Variants in KDSR observed in about 807,000 individuals in gnomAD.
The protein encoded by KDSR is 3-ketodihydrosphingosine reductase.
Under a neutral mutation model 41.3 loss-of-function variants are expected in KDSR, and 23 were observed. The ratio of observed to expected loss-of-function variants is 0.56; its 90% CI spans 0.40 to 0.79. The LOEUF (loss-of-function observed/expected upper bound fraction) is 0.79. Among genes scored for constraint, KDSR ranks in the 30% least tolerant of loss-of-function variants. The probability of loss-of-function intolerance (pLI) is 0.00; values close to 1 mark genes in which losing one functional copy is unlikely to be tolerated. For synonymous variants in KDSR, 138 were observed against 151.7 expected, an observed-to-expected ratio of 0.91 and a Z score of 0.66; for missense variants, 351 against 416.8, an observed-to-expected ratio of 0.84 and a Z score of 1.37.
chr18:63,345,713 G>C (rs533746874), intron 6 of KDSR: 1 of 152,206 alleles, frequency 6.6e-6, no homozygotes, highest in Admixed American at 6.5e-5. Flanking sequence ...CGAGGGGAGG[G>C]GGTGGATCAC....
At chr18:63,361,258 C>T (rs1393267784) in intron 2 of KDSR, among the ~76,000 whole-genome samples, 1 of 135,354 alleles carries the variant, frequency 7.4e-6, no homozygotes, top group East Asian at 2.2e-4. Context: ...CTCAACACCA[C>T]AGGTTCTTCA....
intron 8 of KDSR, among the ~76,000 whole-genome samples, chr18:63,336,297 T>C (rs1914155797): frequency 6.6e-6 from 1 of 152,210 alleles, no homozygotes; most frequent in Non-Finnish European, 1.5e-5. Context: ...CCAAAAGTGC[T>C]GGGATTACAG....
At chr18:63,360,894 C>A (rs1487616009) in intron 2 of KDSR, among the ~76,000 whole-genome samples, 1 of 148,462 alleles carries the variant, frequency 6.7e-6, no homozygotes, top group African/African-American at 2.5e-5. Context: ...GTGGCTCACG[C>A]CTGTAAGCCC....
intron 9 of KDSR, among the ~76,000 whole-genome samples, chr18:63,334,012 T>A (rs1248796209): frequency 1.3e-5 from 2 of 151,120 alleles, no homozygotes; most frequent in Non-Finnish European, 2.9e-5. Context: ...ATTCATGCAT[T>A]TGTTCAGCTC....
At chr18:63,363,452 A>G (rs1320962008) in intron 1 of KDSR, among the ~76,000 whole-genome samples, 4 of 128,238 alleles carry the variant, frequency 3.1e-5, no homozygotes, top group Non-Finnish European at 6.3e-5. Context: ...ATTCCCACCT[A>G]TGAGTGAGAA....
intron 4 of KDSR, 45 bp from the exon 5 acceptor site, chr18:63,355,344 AACC>A: frequency 6.2e-7 from 1 of 1,606,378 alleles, no homozygotes; most frequent in Non-Finnish European, 8.5e-7. Flanking sequence ...AGAGAAGAAA[AACC>A]ACTCAGCAGC....
chr18:63,361,994 C>T (rs1158609716), intron 2 of KDSR, among the ~76,000 whole-genome samples: 1 of 152,168 alleles, frequency 6.6e-6, no homozygotes, highest in Non-Finnish European at 1.5e-5. Context: ...AATCCAAGAT[C>T]CCCATGGAAG....
At chr18:63,343,315 C>A (rs1211123058) in intron 7 of KDSR, among the ~76,000 whole-genome samples, 2 of 152,018 alleles carry the variant, frequency 1.3e-5, no homozygotes, top group Non-Finnish European at 2.9e-5. Context: ...CTGCCATGGC[C>A]TCCCAAAGTA....
Position 63,367,049 on chromosome 18 carries a change from T to C in KDSR, c.70A>G (p.Ser24Gly), listed in dbSNP as rs763994104. The C allele has an allele frequency of 7.5e-7, 1 of 1,327,212 alleles. No individual in the cohort carries two copies. Among genetic ancestry groups the C allele is most frequent in the Non-Finnish European group, 9.7e-7 (1 of 1,031,224 alleles). 82.2% of individuals were successfully genotyped at this position (1,327,212 alleles called of 1,614,324 possible). ...LLLYMVSPLI[S>G]PKPLALPGAH... Reference sequence around the variant, plus strand: ...CCGGGCAGGGCGAGGGGCTTGGGGCTGATGAGCGGAGACACCATGTACAGC... The same window carrying C: ...CCGGGCAGGGCGAGGGGCTTGGGGCCGATGAGCGGAGACACCATGTACAGC... Residue 24 changes from serine (S) to glycine (G), a missense_variant, in exon 1 of 10, where the codon AGC becomes GGC. Ser to Gly is a moderately conservative substitution (Grantham distance 56). Coordinates refer to ENST00000645214, the MANE Select transcript of KDSR (RefSeq NM_002035.4).
intron 6 of KDSR, among the ~76,000 whole-genome samples, chr18:63,347,680 G>C (rs1225690556): frequency 6.6e-6 from 1 of 152,010 alleles, no homozygotes; most frequent in African/African-American, 2.4e-5. Flanking sequence ...GAGATGGGAG[G>C]AGAGGGGCAT....
intron 5 of KDSR, 152 bp from the exon 6 acceptor site, chr18:63,351,231 T>A: frequency 1.7e-6 from 1 of 589,944 alleles, no homozygotes; most frequent in East Asian, 2.9e-5. Context: ...GATGACATGA[T>A]GATATAAATG....
At chr18:63,341,750 A>G (rs1377718689) in intron 7 of KDSR, among the ~76,000 whole-genome samples, 1 of 152,228 alleles carries the variant, frequency 6.6e-6, no homozygotes, top group Non-Finnish European at 1.5e-5. Context: ...GGTTCTATAC[A>G]AAAGGTTGGG....
rs562729991 is a variant in KDSR at position 63,342,024 on chromosome 18, C to T, written c.693+2386G>A. On this transcript the variant is annotated intron_variant, in intron 7 of 9. Coordinates refer to ENST00000645214, the MANE Select transcript of KDSR (RefSeq NM_002035.4). ...ACTAAAAAAAAATACAAAAAATCAG[C>T]CGGGCTTGGTGGCACGCACCTGTAA... Among the ~76,000 whole-genome samples the T allele has an allele frequency of 2.6e-5, 4 of 151,994 alleles. 1 individual carries two copies. The highest frequency in any genetic ancestry group is 9.7e-5 in the African/African-American group (4 of 41,444).
At chr18:63,339,869 T>C (rs1409122019) in intron 7 of KDSR, among the ~76,000 whole-genome samples, 1 of 152,240 alleles carries the variant, frequency 6.6e-6, no homozygotes, top group Non-Finnish European at 1.5e-5. Context: ...CTGTAAACTT[T>C]ACCACGTAAG....
chr18:63,356,596 G>A (rs900424571), intron 3 of KDSR, among the ~76,000 whole-genome samples: 5 of 152,232 alleles, frequency 3.3e-5, no homozygotes, highest in African/African-American at 7.2e-5. Flanking sequence ...GCTCATTCTC[G>A]CCTGCCCCAG....
chr18:63,337,092 C>CCATATATA (rs1491226334), intron 8 of KDSR, among the ~76,000 whole-genome samples: 6 of 28,430 alleles, frequency 2.1e-4, no homozygotes, highest in Admixed American at 7.4e-4. Context: ...ATATATGTGA[C>CCATATATA]TTTATATATA....
At chr18:63,352,346 CTCTT>C in intron 5 of KDSR, among the ~76,000 whole-genome samples, 1 of 152,046 alleles carries the variant, frequency 6.6e-6, no homozygotes, top group South Asian at 2.1e-4. Flanking sequence ...TGGAGTTTTG[CTCTT>C]GTCACCCAGG....
In KDSR at chr18:63,341,483, AAGAG is replaced by A. The variant is rs1368646369; in HGVS notation, c.694-2604_694-2601del. ...AAAGGCCCAAGAGATTAAAAAAAAA[AAGAG>A]AGAGAAAATAGAAGGAAATTAGAGG... On this transcript the variant is annotated intron_variant, in intron 7 of 9. Coordinates refer to ENST00000645214, the MANE Select transcript of KDSR (RefSeq NM_002035.4). 2.0e-5 allele frequency among the ~76,000 whole-genome samples: 3 copies of A among 152,154 alleles called. No homozygotes were observed. The South Asian group carries it at 6.2e-4, about 32-fold the overall frequency.
intron 1 of KDSR, chr18:63,366,335 G>T: frequency 6.6e-6 from 1 of 152,462 alleles, no homozygotes; most frequent in Non-Finnish European, 1.5e-5. Context: ...GATTGCATTG[G>T]AGCAGCAATC....
Sources: gnomAD v4.1 joint callset for allele counts (sites outside exome capture counted in the v4.1 genomes callset) on GRCh38, gnomAD v4.1.1 for gene constraint, MANE v1.5 for transcripts, NCBI Gene and HGNC (gene_info 2026-07-23, HGNC 2026-07-21) for gene names.